The following PAK2 variants were observed in gnomAD, a reference collection of about 807,000 sequenced individuals.
PAK2 encodes the protein p21 (RAC1) activated kinase 2.
A neutral mutation model predicts 65.9 loss-of-function variants in PAK2; 21 were observed. That is an observed-to-expected ratio of 0.32 (90% CI 0.23 to 0.46). PAK2 has a LOEUF of 0.46. Ranked by LOEUF, PAK2 falls within the 20% of genes least tolerant of loss-of-function variation. PAK2 has a pLI of 1.00. For synonymous variants in PAK2, 204 were observed against 219.7 expected (o/e 0.93, Z 0.63); for missense variants, 324 against 642.6 (o/e 0.50, Z 5.36).
intron 2 of PAK2, among the ~76,000 whole-genome samples, chr3:196,790,226 C>T (rs1229017681): frequency 6.6e-6 from 1 of 152,174 alleles, no homozygotes; most frequent in African/African-American, 2.4e-5. Flanking sequence ...AGCTTGAAAG[C>T]AGTCTAAAAG....
At chr3:196,771,749 G>A (rs996357434) in intron 1 of PAK2, among the ~76,000 whole-genome samples, 3 of 151,916 alleles carry the variant, frequency 2.0e-5, no homozygotes, top group African/African-American at 7.3e-5. Context: ...GTAGAGATGG[G>A]GTTTCTCCAT....
intron 1 of PAK2, among the ~76,000 whole-genome samples, chr3:196,778,719 C>T (rs1486955878): frequency 1.3e-5 from 2 of 152,190 alleles, no homozygotes; most frequent in African/African-American, 4.8e-5. Flanking sequence ...CAGGGTGTCA[C>T]GTTGCGTTTA....
intron 1 of PAK2, among the ~76,000 whole-genome samples, chr3:196,757,215 G>C (rs1299728115): frequency 2.0e-5 from 3 of 152,196 alleles, no homozygotes; most frequent in Non-Finnish European, 4.4e-5. Flanking sequence ...GGGTGACTCA[G>C]GTCAAAGCAG....
Position 196,812,272 on chromosome 3 carries a change from T to C in PAK2, c.822+5T>C, listed in dbSNP as rs758937089. The C allele has an allele frequency of 1.3e-6, 2 of 1,550,622 alleles. No individual in the cohort carries two copies. The highest frequency in any genetic ancestry group is 1.8e-6 in the Non-Finnish European group (2 of 1,122,374). On this transcript the variant is annotated splice_donor_5th_base_variant and intron_variant, in intron 9 of 14. Coordinates refer to ENST00000327134, the MANE Select transcript of PAK2 (RefSeq NM_002577.4). The stretch of plus-strand genomic sequence containing the variant: ...GACGTTGCACTGGGACAGGAGGTAG[T>C]TACTTTGTTGTAATCCTGGGTGTTA...
rs536262710 is a variant in PAK2, at chr3:196,742,558, A to T, written c.-22+2401A>T. ...ATCCATCAAAATCGATTATTATTAT[A>T]ATAATATTTGAGTATATTTCTTTTG... On this transcript the variant is annotated intron_variant, in intron 1 of 14. Transcript: ENST00000327134. Among the ~76,000 whole-genome samples the T allele has an allele frequency of 9.8e-5, 15 of 152,306 alleles. No individual in the cohort carries two copies. In the South Asian group the frequency reaches 2.3e-3, roughly 23 times the overall value.
chr3:196,812,672 C>T, intron 9 of PAK2, 67 bp from the exon 10 acceptor site: 2 of 740,338 alleles, frequency 2.7e-6, no homozygotes, highest in Non-Finnish European at 4.7e-6. Context: ...TTATCAACTG[C>T]TTGGGGTTTG....
chr3:196,811,200 TCCCTTCCTTC>T (rs1560113472), intron 8 of PAK2, among the ~76,000 whole-genome samples: 4 of 45,270 alleles, frequency 8.8e-5, no homozygotes, highest in African/African-American at 2.5e-4. Context: ...AATTCCTTCC[TCCCTTCCTTC>T]CCTTCCCTCC....
At position 196,828,301 on chromosome 3, in the gene PAK2, T is replaced by A; in HGVS notation, c.1489-18T>A. On this transcript the variant is annotated intron_variant, in intron 14 of 14. Transcript: ENST00000327134. ...TGAATGGCACTTATACATTTATTTTTCCCCTTCTTTCTGGCAGCATCCTTT... is the reference window on the plus strand; with the variant it reads ...TGAATGGCACTTATACATTTATTTTACCCCTTCTTTCTGGCAGCATCCTTT... 1.3e-6 allele frequency: 2 copies of A among 1,482,986 alleles called. No individual in the cohort carries two copies. The highest frequency in any genetic ancestry group is 1.9e-6 in the Non-Finnish European group (2 of 1,065,764). The allele number at this position is 1,482,986 out of a possible 1,614,324, so 91.9% of individuals were successfully genotyped here. A position where few individuals can be genotyped will look rare whatever the true frequency, so the allele number is the denominator to read the frequency against.
rs867798971 is a variant in PAK2, at chr3:196,812,246, T to A, written c.801T>A (p.Thr267=). 19 of 1,592,338 alleles carry A rather than the reference T, an allele frequency of 1.2e-5. No homozygotes were observed. The highest frequency in any genetic ancestry group is 8.8e-5 in the South Asian group (8 of 90,622). The change falls in exon 9 of 15, where the codon ACT becomes ACA. Residue 267 remains threonine (T), a synonymous_variant. Transcript: ENST00000327134. ...CTTCTGGTACAGTTTTCACTGCTAC[T>A]GACGTTGCACTGGGACAGGAGGTAG... The part of the protein sequence containing the change: ...QGASGTVFTA[T]DVALGQEVAI...
At chr3:196,812,367 G>C (rs1715855996) in intron 9 of PAK2, 100 bp downstream of exon 9, 1 of 779,860 alleles carries the variant, frequency 1.3e-6, no homozygotes. Context: ...CTTTTAAGTT[G>C]AGCCCGTTGT....
intron 9 of PAK2, 94 bp from the exon 10 acceptor site, chr3:196,812,645 A>G (rs1715865797): frequency 1.5e-6 from 1 of 647,536 alleles, no homozygotes; most frequent in South Asian, 1.9e-5. Context: ...GGTGTAATAC[A>G]GTACACGTAC....
intron 11 of PAK2, among the ~76,000 whole-genome samples, chr3:196,816,802 G>T (rs13094271): frequency 6.6e-5 from 10 of 152,228 alleles, no homozygotes; most frequent in Admixed American, 2.6e-4. Context: ...ACGTCATCTC[G>T]TTCTCGTTTG....
intron 13 of PAK2, among the ~76,000 whole-genome samples, chr3:196,825,205 G>T (rs1431918353): frequency 6.7e-6 from 1 of 149,638 alleles, no homozygotes; most frequent in Non-Finnish European, 1.5e-5. Flanking sequence ...AATTAGTCAG[G>T]CGTAATGGTG....
chr3:196,816,120 T>C (rs116495805), intron 11 of PAK2, among the ~76,000 whole-genome samples: 2,035 of 151,958 alleles, frequency 0.013, 37 homozygotes, highest in African/African-American at 0.046. Flanking sequence ...GGAATCACTG[T>C]CACAAAGGGC....
intron 1 of PAK2, among the ~76,000 whole-genome samples, chr3:196,774,236 T>C (rs1714466227): frequency 6.6e-6 from 1 of 152,200 alleles, no homozygotes; most frequent in Non-Finnish European, 1.5e-5. Flanking sequence ...AAAAAGAGCC[T>C]GAGATTCAGA....
chr3:196,751,658 C>T (rs1713587210), intron 1 of PAK2, among the ~76,000 whole-genome samples: 1 of 37,474 alleles, frequency 2.7e-5, no homozygotes, highest in Non-Finnish European at 4.7e-5. Flanking sequence ...AAAAAACACA[C>T]AAATTTATTT....
chr3:196,803,644 A>C (rs1715486719), intron 4 of PAK2, among the ~76,000 whole-genome samples: 1 of 152,258 alleles, frequency 6.6e-6, no homozygotes, highest in South Asian at 2.1e-4. Context: ...TTTAATATAT[A>C]AAACAGATAA....
intron 5 of PAK2, 137 bp from the exon 6 acceptor site, chr3:196,806,442 C>G (rs765984163): frequency 2.2e-5 from 13 of 596,384 alleles, no homozygotes; most frequent in Admixed American, 2.9e-5. Flanking sequence ...ATTGAGTTAT[C>G]TAAGAGCTAA....
At chr3:196,790,151 A>G (rs560169445) in intron 2 of PAK2, among the ~76,000 whole-genome samples, 62 of 152,346 alleles carry the variant, frequency 4.1e-4, no homozygotes, top group African/African-American at 1.4e-3. Flanking sequence ...TAGACTAGAA[A>G]CAGAAGAGTC....
Sources: allele counts gnomAD v4.1 joint callset (sites outside exome capture counted in the v4.1 genomes callset), GRCh38; gene constraint gnomAD v4.1.1; transcripts MANE v1.5; gene names NCBI Gene and HGNC (gene_info 2026-07-23, HGNC 2026-07-21).